PSMD1: variants seen among roughly 807,000 people sequenced by gnomAD.
The protein encoded by PSMD1 is proteasome 26S subunit, non-ATPase 1.
PSMD1 carries 18 observed loss-of-function variants against 119.0 expected under a neutral mutation model. The ratio of observed to expected loss-of-function variants is 0.15; its 90% CI spans 0.10 to 0.22. The LOEUF (loss-of-function observed/expected upper bound fraction) is 0.22. PSMD1 is among the 10% of genes least tolerant of loss of function. The pLI, the probability that PSMD1 is intolerant of heterozygous loss-of-function variation, is 1.00. For synonymous variants in PSMD1, 374 were observed against 396.6 expected (o/e 0.94, Z 0.68); for missense variants, 702 against 1,158.5 (o/e 0.61, Z 5.72).
rs759409216 is a variant in PSMD1, at chr2:231,087,130, A to G, written c.1832A>G (p.Asn611Ser). The stretch of plus-strand genomic sequence containing the variant: ...TTTTCCCCCTAGGTAAGTGATGTTA[A>G]TGATGATGTCAGGAGGGCAGCAGTA... ...RLLHVAVSDVNDDVRRAAVES... is the reference protein window; with the variant it reads ...RLLHVAVSDVSDDVRRAAVES... Residue 611 changes from asparagine to serine, a missense_variant, in exon 16 of 25, where the codon AAT (asparagine) becomes AGT (serine). By Grantham distance (46) the Asn-to-Ser change is conservative. Coordinates refer to ENST00000308696, the MANE Select transcript of PSMD1 (RefSeq NM_002807.4). The G allele has an allele frequency of 6.2e-7, 1 of 1,613,684 alleles. No homozygotes were observed. Among genetic ancestry groups the G allele is most frequent in the South Asian group, 1.1e-5 (1 of 91,050 alleles).
chr2:231,071,328 G>C (rs2125161153), intron 6 of PSMD1, among the ~76,000 whole-genome samples: 1 of 151,914 alleles, frequency 6.6e-6, no homozygotes, highest in African/African-American at 2.4e-5. Flanking sequence ...TTTTTGAGCA[G>C]ATAATATGTT....
intron 16 of PSMD1, among the ~76,000 whole-genome samples, chr2:231,096,288 A>G (rs1297569289): frequency 6.6e-6 from 1 of 151,968 alleles, no homozygotes; most frequent in African/African-American, 2.4e-5. Flanking sequence ...GGAGGAGGGG[A>G]CTCAGGCAAA....
Position 231,062,578 on chromosome 2 carries a change from T to C in PSMD1, c.207T>C (p.Tyr69=). 6.2e-7 allele frequency: 1 copy of C among 1,613,040 alleles called. No individual in the cohort carries two copies. The highest frequency in any genetic ancestry group is 8.5e-7 in the Non-Finnish European group (1 of 1,179,702). ...CCTTAGTGGCATCTAAAGTATTTTA[T>C]CACCTGGGGGCTTTTGAGGAGTCTC... is the stretch of plus-strand genomic sequence containing the variant. ...FAALVASKVF[Y]HLGAFEESLN... The change falls in exon 4 of 25, where the codon TAT becomes TAC. Residue 69 remains tyrosine (Y), a synonymous_variant. Transcript: ENST00000308696.
At chr2:231,168,883 C>G (rs1696847340) in intron 23 of PSMD1, among the ~76,000 whole-genome samples, 1 of 152,200 alleles carries the variant, frequency 6.6e-6, no homozygotes, top group Non-Finnish European at 1.5e-5. Context: ...TGGGACCCTT[C>G]CTCAGACACT....
In PSMD1 at chr2:231,142,654, C is replaced by G. The variant is rs531945961; in HGVS notation, c.1999-3586C>G. On this transcript the variant is annotated intron_variant, in intron 17 of 24. Coordinates refer to ENST00000308696, the MANE Select transcript of PSMD1 (RefSeq NM_002807.4). ...TTTTTTTTAATTATTTCTTAAAAAC[C>G]TGAAACATCTGTTTATTCTAAAATA... 6.6e-5 allele frequency among the ~76,000 whole-genome samples: 10 copies of G among 151,936 alleles called. No individual in the cohort carries two copies. The East Asian group carries it at 1.7e-3, about 26-fold the overall frequency.
intron 15 of PSMD1, 128 bp from the exon 16 acceptor site, chr2:231,086,989 C>T: frequency 1.6e-6 from 1 of 636,644 alleles, no homozygotes; most frequent in Non-Finnish European, 2.8e-6. Flanking sequence ...AGGTGTGCAA[C>T]ATAATGTTTT....
intron 16 of PSMD1, among the ~76,000 whole-genome samples, chr2:231,099,822 C>G (rs1694819548): frequency 6.6e-6 from 1 of 152,096 alleles, no homozygotes; most frequent in Non-Finnish European, 1.5e-5. Flanking sequence ...CTAAGCCACC[C>G]CGACCAAGGA....
At chr2:231,073,753 T>G (rs1391663942) in intron 7 of PSMD1, among the ~76,000 whole-genome samples, 3 of 152,128 alleles carry the variant, frequency 2.0e-5, no homozygotes, top group Non-Finnish European at 4.4e-5. Flanking sequence ...AATTTGTTTT[T>G]TGATGCTGTT....
intron 23 of PSMD1, among the ~76,000 whole-genome samples, chr2:231,167,436 A>T (rs1351660475): frequency 6.6e-6 from 1 of 152,268 alleles, no homozygotes; most frequent in Non-Finnish European, 1.5e-5. Context: ...CACAGTAGAA[A>T]ACTAAATGAT....
At chr2:231,146,451 G>A in intron 18 of PSMD1, 95 bp downstream of exon 18, 2 of 857,932 alleles carry the variant, frequency 2.3e-6, no homozygotes, top group Admixed American at 4.2e-5. Context: ...TTCAAATATG[G>A]TAAACACTGA....
intron 20 of PSMD1, 67 bp downstream of exon 20, chr2:231,161,576 C>T: frequency 7.0e-7 from 1 of 1,430,824 alleles, no homozygotes; most frequent in Non-Finnish European, 9.5e-7. Context: ...ATTTACCGCC[C>T]ACTTGCAAGG....
intron 1 of PSMD1, among the ~76,000 whole-genome samples, chr2:231,060,156 T>C (rs1693721141): frequency 6.6e-6 from 1 of 152,242 alleles, no homozygotes; most frequent in Non-Finnish European, 1.5e-5. Context: ...ACTGATTGAA[T>C]TTTGAAATTT....
intron 16 of PSMD1, among the ~76,000 whole-genome samples, chr2:231,133,843 T>C (rs1695907850): frequency 6.6e-6 from 1 of 152,208 alleles, no homozygotes; most frequent in Admixed American, 6.5e-5. Flanking sequence ...AAAGCCAGTG[T>C]GTTGAAAGAA....
At chr2:231,079,760 T>G in intron 11 of PSMD1, 146 bp downstream of exon 11, 4 of 550,454 alleles carry the variant, frequency 7.3e-6, no homozygotes, top group African/African-American at 1.9e-5. Context: ...CTAAAGTAAA[T>G]AAGATACTGA....
intron 20 of PSMD1, among the ~76,000 whole-genome samples, chr2:231,162,856 A>G (rs967411016): frequency 6.6e-6 from 1 of 151,294 alleles, no homozygotes; most frequent in African/African-American, 2.4e-5. Flanking sequence ...AAAGAAAGAA[A>G]GGAAGCCGAG....
intron 12 of PSMD1, among the ~76,000 whole-genome samples, chr2:231,082,505 G>T (rs539707994): frequency 2.0e-5 from 3 of 152,318 alleles, no homozygotes; most frequent in Admixed American, 6.5e-5. Flanking sequence ...GGAAGTTACA[G>T]ACCAGCCTGG....
At chr2:231,168,913 G>A (rs2125273818) in intron 23 of PSMD1, among the ~76,000 whole-genome samples, 1 of 152,318 alleles carries the variant, frequency 6.6e-6, no homozygotes, top group Non-Finnish European at 1.5e-5. Context: ...AGAGGCAGCT[G>A]TAGTTTTGGA....
At chr2:231,083,075 G>C in intron 13 of PSMD1, 81 bp downstream of exon 13, 1 of 1,063,368 alleles carries the variant, frequency 9.4e-7, no homozygotes, top group Non-Finnish European at 1.4e-6. Flanking sequence ...CCTATATTTT[G>C]TAGCCTCTTA....
chr2:231,103,208 C>G (rs1694909648), intron 16 of PSMD1, among the ~76,000 whole-genome samples: 1 of 152,178 alleles, frequency 6.6e-6, no homozygotes. Flanking sequence ...AACACAGACC[C>G]ATATAGCATG....
Sources: allele counts gnomAD v4.1 joint callset (sites outside exome capture counted in the v4.1 genomes callset), GRCh38; gene constraint gnomAD v4.1.1; transcripts MANE v1.5; gene names NCBI Gene and HGNC (gene_info 2026-07-23, HGNC 2026-07-21).